PCIF1: variants seen among roughly 807,000 people sequenced by gnomAD.
The protein encoded by PCIF1 is mRNA (2'-O-methyladenosine-N(6)-)-methyltransferase.
A neutral mutation model predicts 86.9 loss-of-function variants in PCIF1; 12 were observed. The ratio of observed to expected loss-of-function variants is 0.14; its 90% CI spans 0.09 to 0.22. The LOEUF is 0.22. PCIF1 is among the 10% of genes least tolerant of loss of function. PCIF1 has a pLI of 1.00. For synonymous variants in PCIF1, 397 were observed against 372.0 expected, an observed-to-expected ratio of 1.07 and a Z score of -0.77; for missense variants, 701 against 951.1, an observed-to-expected ratio of 0.74 and a Z score of 3.46.
intron 11 of PCIF1, 57 bp from the exon 12 acceptor site, chr20:45,945,654 A>C: frequency 6.3e-7 from 1 of 1,580,150 alleles, no homozygotes; most frequent in Non-Finnish European, 8.6e-7. Context: ...TGTGGCCCAC[A>C]GTGGCTGCAG....
At chr20:45,935,797 A>G (rs1431630526) in intron 1 of PCIF1, among the ~76,000 whole-genome samples, 1 of 151,756 alleles carries the variant, frequency 6.6e-6, no homozygotes, top group African/African-American at 2.4e-5. Context: ...GGCTTCTGAG[A>G]TGCGCAGTGA....
In PCIF1 at chr20:45,943,636, C is replaced by T. The variant is rs1297308110; in HGVS notation, c.906-30C>T. Reference sequence around the variant, plus strand: ...ATGAGGAGGGTGGAGCCAAGCCATTCCTTTCTTCTGCCCTCCCCTTGACTG... The same window carrying T: ...ATGAGGAGGGTGGAGCCAAGCCATTTCTTTCTTCTGCCCTCCCCTTGACTG... On this transcript the variant is annotated intron_variant, in intron 9 of 16. Transcript: ENST00000372409. This position sits in a 1 kb window ranked among gnomAD's most constrained non-coding sequence, Gnocchi z 5.5. 12 of 1,543,862 alleles carry T rather than the reference C, an allele frequency of 7.8e-6. No homozygotes were observed. Among genetic ancestry groups the T allele is most frequent in the Non-Finnish European group, 1.1e-5 (12 of 1,139,414 alleles).
chr20:45,946,628 G>A (rs1249340468), intron 14 of PCIF1, among the ~76,000 whole-genome samples: 3 of 152,198 alleles, frequency 2.0e-5, no homozygotes, highest in East Asian at 1.9e-4. Flanking sequence ...AGTTCAGGGT[G>A]GAATAGGAAC....
chr20:45,936,235 C>G (rs377663127), intron 1 of PCIF1, among the ~76,000 whole-genome samples: 1 of 151,906 alleles, frequency 6.6e-6, no homozygotes, highest in African/African-American at 2.4e-5. Context: ...AGTGCAGTGG[C>G]GCGATCTCAG....
chr20:45,937,272 A>G, intron 1 of PCIF1, 146 bp from the exon 2 acceptor site: 3 of 396,458 alleles, frequency 7.6e-6, no homozygotes, highest in Non-Finnish European at 1.3e-5. Context: ...CTTAAGAGGT[A>G]TCATTTTCAT....
At position 45,943,721 on chromosome 20, in the gene PCIF1, A is replaced by T. The variant is rs769531835; in HGVS notation, c.961A>T (p.Ser321Cys). 1.3e-6 allele frequency: 2 copies of T among 1,563,110 alleles called. No homozygotes were observed. The highest frequency in any genetic ancestry group is 1.7e-6 in the Non-Finnish European group (2 of 1,152,830). The change falls in exon 10 of 17, where the codon AGC becomes TGC. Residue 321 changes from serine (S) to cysteine (C), a missense_variant. By Grantham distance (112) the Ser-to-Cys change is moderately radical. Transcript: ENST00000372409. This position sits in a 1 kb window ranked among gnomAD's most constrained non-coding sequence, Gnocchi z 5.5. ...CAAATGGAATGTGGAAGACACCTTT[A>T]GCTGGCTTCGGAAGGACCACTCAGC... Reference protein sequence around the residue: ...VVKWNVEDTFSWLRKDHSASK... With the variant: ...VVKWNVEDTFCWLRKDHSASK...
chr20:45,941,211 C>T lies in PCIF1; in HGVS notation c.673+4C>T. The T allele has an allele frequency of 2.5e-6, 4 of 1,595,382 alleles. No homozygotes were observed. Among genetic ancestry groups the T allele is most frequent in the African/African-American group, 1.3e-5 (1 of 74,644 alleles). Reference sequence around the variant, plus strand: ...GAGCTGTGCCAGCAGCGAGAGGGTACCTGCCTCTGGGCTGCAGCCTCCTTT... The same window carrying T: ...GAGCTGTGCCAGCAGCGAGAGGGTATCTGCCTCTGGGCTGCAGCCTCCTTT... On this transcript the variant is annotated splice_donor_region_variant and intron_variant, in intron 7 of 16. Coordinates refer to ENST00000372409, the MANE Select transcript of PCIF1 (RefSeq NM_022104.4).
chr20:45,939,383 G>T, intron 4 of PCIF1, 44 bp downstream of exon 4: 1 of 1,608,574 alleles, frequency 6.2e-7, no homozygotes, highest in Non-Finnish European at 8.5e-7. Context: ...GTGGCCTCTG[G>T]CACCTGGGCC....
At chr20:45,935,822 A>ATT (rs547747854) in intron 1 of PCIF1, among the ~76,000 whole-genome samples, 11 of 140,060 alleles carry the variant, frequency 7.9e-5, no homozygotes, top group South Asian at 4.5e-4. Context: ...CAGGAGTCTG[A>ATT]TTTTTTTTTT....
intron 7 of PCIF1, 119 bp from the exon 8 acceptor site, chr20:45,942,978 G>A (rs1417072843): frequency 2.8e-6 from 3 of 1,056,250 alleles, no homozygotes; most frequent in South Asian, 1.6e-5. Context: ...CAGCCTAGAA[G>A]CTTCTGAAGT....
chr20:45,945,876 G>C lies in PCIF1; in HGVS notation c.1334G>C (p.Ser445Thr). 3 of 1,613,844 alleles carry C rather than the reference G, an allele frequency of 1.9e-6. No individual in the cohort carries two copies. Among genetic ancestry groups the C allele is most frequent in the Non-Finnish European group, 2.5e-6 (3 of 1,180,010 alleles). The change falls in exon 12 of 17, where the codon AGC becomes ACC. Residue 445 changes from serine (S) to threonine (T), a missense_variant. Around this residue, in one of 7 missense-constraint regions of PCIF1, gnomAD observed 121 missense variants for 131.7 expected, o/e 0.92. Coordinates refer to ENST00000372409, the MANE Select transcript of PCIF1 (RefSeq NM_022104.4). Reference sequence around the variant, plus strand: ...GTCAAGGTCAGCCGCAACTACTTCAGCAAGCTGGTAAGAGCTGCGGGGAGG... The same window carrying C: ...GTCAAGGTCAGCCGCAACTACTTCACCAAGCTGGTAAGAGCTGCGGGGAGG... ...EMVKVSRNYF[S>T]KLWLLYRYSC...
chr20:45,947,656 C>T lies in PCIF1; in HGVS notation c.2016C>T (p.Arg672=). 1 of 1,612,646 alleles carries T rather than the reference C, an allele frequency of 6.2e-7. No individual in the cohort carries two copies. Residue 672 remains arginine, a synonymous_variant, in exon 17 of 17, where the codon CGC becomes CGT. Coordinates refer to ENST00000372409, the MANE Select transcript of PCIF1 (RefSeq NM_022104.4). This position sits in a 1 kb window ranked among gnomAD's most constrained non-coding sequence, Gnocchi z 5.4. ...ELSAAYRQSG[R]SHSSGSSSSS... ...GTGCTGCCTACCGGCAGTCAGGCCG[C>T]AGCCACAGCTCTGGTTCTTCCTCAT...
rs1016105799 is a variant in PCIF1, at chr20:45,943,521, C to T, written c.905+98C>T. On this transcript the variant is annotated intron_variant, in intron 9 of 16. Transcript: ENST00000372409. The surrounding 1 kb of genome is among the most constrained non-coding windows in gnomAD (Gnocchi z 5.5). ...TCTCATGCAGGGCTGTCATTGCTCT[C>T]GGTGGCAGAAGTGGGGCCAGCTCCC... 1.1e-5 allele frequency: 15 copies of T among 1,378,716 alleles called. No homozygotes were observed. Among genetic ancestry groups the T allele is most frequent in the Admixed American group, 7.8e-5 (4 of 51,088 alleles). The allele number at this position is 1,378,716 out of a possible 1,614,324, so 85.4% of individuals were successfully genotyped here.
intron 4 of PCIF1, among the ~76,000 whole-genome samples, chr20:45,939,547 C>T (rs1223371852): frequency 6.6e-6 from 1 of 152,258 alleles, no homozygotes; most frequent in Non-Finnish European, 1.5e-5. Flanking sequence ...TGCATGGCTG[C>T]TGCACGGTGG....
rs539667266 is a variant in PCIF1, at chr20:45,937,539, G to C, written c.-66G>C. The C allele has an allele frequency of 2.5e-6, 1 of 398,936 alleles. No homozygotes were observed. Among genetic ancestry groups the C allele is most frequent in the Non-Finnish European group, 4.4e-6 (1 of 226,100 alleles). The allele number at this position is 398,936 out of a possible 1,614,324, so 24.7% of individuals were successfully genotyped here. Reference sequence around the variant, plus strand: ...TGTGGGACCCTGTGGGGGTCCATCCGGCTGGAGAAGAAAAGCCTCTCATGC... The same window carrying C: ...TGTGGGACCCTGTGGGGGTCCATCCCGCTGGAGAAGAAAAGCCTCTCATGC... On this transcript the variant is annotated 5_prime_UTR_variant, in exon 2 of 17. Coordinates refer to ENST00000372409, the MANE Select transcript of PCIF1 (RefSeq NM_022104.4).
rs1173478366 is a variant in PCIF1 at position 45,937,435 on chromosome 20, C to T, written c.-170C>T. 1.3e-5 allele frequency: 5 copies of T among 399,272 alleles called. No individual in the cohort carries two copies. The highest frequency in any genetic ancestry group is 2.2e-5 in the Non-Finnish European group (5 of 226,334). 24.7% of individuals were successfully genotyped at this position (399,272 alleles called of 1,614,324 possible). A position where few individuals can be genotyped will look rare whatever the true frequency, so the allele number is the denominator to read the frequency against. ...CTTTCCAGCTGCTGATGCAAGGAAT[C>T]CCCTGGGCTCCCGTCCACTCCACTG... On this transcript the variant is annotated 5_prime_UTR_variant, in exon 2 of 17. Transcript: ENST00000372409.
At position 45,943,674 on chromosome 20, in the gene PCIF1, C is replaced by G; in HGVS notation, c.914C>G (p.Ser305Cys). The G allele has an allele frequency of 6.4e-7, 1 of 1,559,528 alleles. No individual in the cohort carries two copies. Residue 305 changes from serine to cysteine, a missense_variant, in exon 10 of 17, where the codon TCC becomes TGC. Physicochemically the swap from Ser to Cys is moderately radical, Grantham distance 112. Around this residue, in one of 7 missense-constraint regions of PCIF1, gnomAD observed 129 missense variants for 245.9 expected, o/e 0.52. Transcript: ENST00000372409. This position sits in a 1 kb window ranked among gnomAD's most constrained non-coding sequence, Gnocchi z 5.5. ...CTCCCCTTGACTGGCAGGAGTGCAT[C>G]CCCTGACAGTAGGAAGGTGGTCAAA... ...ARRLIESRSA[S>C]PDSRKVVKWN... is the part of the protein sequence containing the mutation.
In PCIF1 at chr20:45,937,568, C is replaced by T. The variant is rs533074915; in HGVS notation, c.-37C>T. 4 of 398,978 alleles carry T rather than the reference C, an allele frequency of 1.0e-5. No homozygotes were observed. The highest frequency in any genetic ancestry group is 1.3e-4 in the South Asian group (1 of 7,864). 24.7% of individuals were successfully genotyped at this position (398,978 alleles called of 1,614,324 possible). A position where few individuals can be genotyped will look rare whatever the true frequency, so the allele number is the denominator to read the frequency against. ...GGAGAAGAAAAGCCTCTCATGCTAA[C>T]GTTGCAGACCCCAGAGGGTGAGAGA... On this transcript the variant is annotated 5_prime_UTR_variant, in exon 2 of 17. The change creates a new upstream start codon in the 5' untranslated region. Transcript: ENST00000372409.
At chr20:45,936,712 C>G (rs953589125) in intron 1 of PCIF1, among the ~76,000 whole-genome samples, 1 of 151,844 alleles carries the variant, frequency 6.6e-6, no homozygotes, top group Non-Finnish European at 1.5e-5. Context: ...GGGTGGATCT[C>G]TTGAGGTCAG....
Sources: allele counts gnomAD v4.1 joint callset (sites outside exome capture counted in the v4.1 genomes callset), GRCh38; gene constraint gnomAD v4.1.1; regional missense constraint gnomAD v4.1.1; non-coding constraint Gnocchi (gnomAD v3.1); transcripts MANE v1.5; gene names NCBI Gene and HGNC (gene_info 2026-07-23, HGNC 2026-07-21).